B3GAT2: variants seen among roughly 807,000 people sequenced by gnomAD.
B3GAT2 encodes the protein beta-1,3-glucuronyltransferase 2.
A neutral mutation model predicts 27.8 loss-of-function variants in B3GAT2; 26 were observed. That is an observed-to-expected ratio of 0.93 (90% CI 0.68 to 1.30). The LOEUF is 1.30. Among genes scored for constraint, B3GAT2 ranks in the 50% most tolerant of loss-of-function variants. The probability of loss-of-function intolerance (pLI) is 0.00; values close to 1 mark genes in which losing one functional copy is unlikely to be tolerated. For missense variants in B3GAT2, 458 were observed against 459.0 expected (o/e 1.00, Z 0.02); for synonymous variants, 218 against 195.1 (o/e 1.12, Z -0.98).
intron 2 of B3GAT2, among the ~76,000 whole-genome samples, chr6:70,880,080 G>A (rs940836229): frequency 2.7e-5 from 4 of 150,382 alleles, no homozygotes; most frequent in African/African-American, 4.9e-5. Context: ...ATGACGGGGC[G>A]TGGGGGTGGG....
chr6:70,883,517 T>C (rs1472545361), intron 2 of B3GAT2, among the ~76,000 whole-genome samples: 2 of 149,300 alleles, frequency 1.3e-5, no homozygotes. Flanking sequence ...CCTAGAATAG[T>C]CTAATTAATC....
chr6:70,894,354 T>A (rs1261075038), intron 1 of B3GAT2, 82 bp from the exon 2 acceptor site: 1 of 1,388,884 alleles, frequency 7.2e-7, no homozygotes. Flanking sequence ...GTAGAAGAAG[T>A]AGGGCTGGTA....
intron 1 of B3GAT2, among the ~76,000 whole-genome samples, chr6:70,936,053 G>A (rs867775820): frequency 0.012 from 1,886 of 151,022 alleles, 28 homozygotes; most frequent in African/African-American, 0.04. Context: ...AAAGGATGGA[G>A]GAAGATCTAC....
chr6:70,890,215 T>C (rs1772264659), intron 2 of B3GAT2, among the ~76,000 whole-genome samples: 1 of 152,150 alleles, frequency 6.6e-6, no homozygotes, highest in East Asian at 1.9e-4. Flanking sequence ...ACCTCGCCAC[T>C]GTCCACCCTA....
intron 1 of B3GAT2, among the ~76,000 whole-genome samples, chr6:70,914,521 C>A (rs1467654175): frequency 6.6e-6 from 1 of 152,054 alleles, no homozygotes; most frequent in African/African-American, 2.4e-5. Context: ...TTTTCTTTAT[C>A]CAGTCTATTA....
chr6:70,923,184 C>A (rs1772899789), intron 1 of B3GAT2, among the ~76,000 whole-genome samples: 1 of 152,120 alleles, frequency 6.6e-6, no homozygotes. Context: ...GACCTAGTAC[C>A]AGGTAAACAG....
At chr6:70,904,900 G>C (rs544369597) in intron 1 of B3GAT2, among the ~76,000 whole-genome samples, 1 of 152,074 alleles carries the variant, frequency 6.6e-6, no homozygotes, top group African/African-American at 2.4e-5. Context: ...TCACTCCCTT[G>C]GCCAAGTGGT....
At chr6:70,896,118 G>T (rs1391967618) in intron 1 of B3GAT2, among the ~76,000 whole-genome samples, 1 of 152,124 alleles carries the variant, frequency 6.6e-6, no homozygotes, top group Non-Finnish European at 1.5e-5. Context: ...AGTCTTAAGT[G>T]GGTTTCCCTG....
intron 2 of B3GAT2, among the ~76,000 whole-genome samples, chr6:70,879,925 C>T (rs1331454928): frequency 6.6e-6 from 1 of 152,032 alleles, no homozygotes; most frequent in Admixed American, 6.5e-5. Context: ...CCATGCAGGG[C>T]CTGGGAGGCC....
At chr6:70,946,813 T>A (rs1274607147) in intron 1 of B3GAT2, among the ~76,000 whole-genome samples, 1 of 151,008 alleles carries the variant, frequency 6.6e-6, no homozygotes, top group African/African-American at 2.4e-5. Context: ...TATTCCAAAA[T>A]TGACCACATA....
At chr6:70,936,755 T>A (rs1350261580) in intron 1 of B3GAT2, among the ~76,000 whole-genome samples, 1 of 151,024 alleles carries the variant, frequency 6.6e-6, no homozygotes, top group Non-Finnish European at 1.5e-5. Flanking sequence ...TTCAAAGCAG[T>A]GTGTAGAGGG....
chr6:70,931,680 G>T (rs117631909), intron 1 of B3GAT2, among the ~76,000 whole-genome samples: 2,997 of 152,184 alleles, frequency 0.02, 52 homozygotes, highest in Middle Eastern at 0.037. Flanking sequence ...CCAACACCAC[G>T]TACAAAAGAG....
At chr6:70,939,150 C>T (rs574215618) in intron 1 of B3GAT2, among the ~76,000 whole-genome samples, 6 of 151,280 alleles carry the variant, frequency 4.0e-5, no homozygotes, top group African/African-American at 9.7e-5. Context: ...TATGAAAAAA[C>T]GCTCATCACT....
rs528536408 is a variant in B3GAT2, at chr6:70,861,982, T to G, written c.737-4A>C. On this transcript the variant is annotated splice_polypyrimidine_tract_variant and splice_region_variant and intron_variant, in intron 2 of 3. Coordinates refer to ENST00000230053, the MANE Select transcript of B3GAT2 (RefSeq NM_080742.3). ...ACTTGAAGACTTACAGCAAATCCTT[T>G]GTGAAAAATAAAAAAAAAAAAGAGA... 6.4e-7 allele frequency: 1 copy of G among 1,572,388 alleles called. No individual in the cohort carries two copies. The highest frequency in any genetic ancestry group is 2.2e-5 in the East Asian group (1 of 44,478).
intron 1 of B3GAT2, among the ~76,000 whole-genome samples, chr6:70,897,824 C>A (rs1051670658): frequency 6.6e-6 from 1 of 151,986 alleles, no homozygotes; most frequent in African/African-American, 2.4e-5. Flanking sequence ...AAGTTCTTTT[C>A]TTTTTTTGTA....
chr6:70,911,159 G>A (rs575597830), intron 1 of B3GAT2, among the ~76,000 whole-genome samples: 61 of 152,236 alleles, frequency 4.0e-4, no homozygotes, highest in Non-Finnish European at 7.2e-4. Flanking sequence ...TTGTGCAGAA[G>A]ATCTTTAATT....
At chr6:70,944,995 G>GA (rs1396882456) in intron 1 of B3GAT2, among the ~76,000 whole-genome samples, 4 of 152,196 alleles carry the variant, frequency 2.6e-5, no homozygotes, top group African/African-American at 9.6e-5. Context: ...AACTCCAACA[G>GA]ACCTGCAGCT....
intron 2 of B3GAT2, among the ~76,000 whole-genome samples, chr6:70,877,271 C>T (rs1772030963): frequency 6.6e-6 from 1 of 152,118 alleles, no homozygotes; most frequent in African/African-American, 2.4e-5. Flanking sequence ...CCAGTGCAGG[C>T]CTGGACACTG....
At chr6:70,918,681 T>C (rs1772816962) in intron 1 of B3GAT2, among the ~76,000 whole-genome samples, 1 of 152,224 alleles carries the variant, frequency 6.6e-6, no homozygotes, top group African/African-American at 2.4e-5. Flanking sequence ...TATGAAATTC[T>C]GGGTTAAAAA....
Sources: allele counts gnomAD v4.1 joint callset (sites outside exome capture counted in the v4.1 genomes callset), GRCh38; gene constraint gnomAD v4.1.1; transcripts MANE v1.5; gene names NCBI Gene and HGNC (gene_info 2026-07-23, HGNC 2026-07-21).